Variants in CHCHD3 observed in about 807,000 individuals in gnomAD.
CHCHD3 encodes the protein MICOS complex subunit MIC19.
A neutral mutation model predicts 38.2 loss-of-function variants in CHCHD3; 20 were observed. The observed-to-expected ratio is 0.52, with a 90% CI of 0.37 to 0.76. The LOEUF is 0.76. CHCHD3 is among the 30% of genes least tolerant of loss of function. CHCHD3 has a pLI of 0.00. For synonymous variants in CHCHD3, 82 were observed against 100.0 expected, an observed-to-expected ratio of 0.82 and a Z score of 1.07; for missense variants, 245 against 279.2, an observed-to-expected ratio of 0.88 and a Z score of 0.87.
intron 3 of CHCHD3, among the ~76,000 whole-genome samples, chr7:132,978,328 C>T (rs547544103): frequency 6.6e-6 from 1 of 152,236 alleles, no homozygotes; most frequent in East Asian, 1.9e-4. Context: ...TTTATGATCT[C>T]TAAGGACTTC....
intron 7 of CHCHD3, among the ~76,000 whole-genome samples, chr7:132,789,703 G>A (rs1806410228): frequency 6.6e-6 from 1 of 152,156 alleles, no homozygotes; most frequent in South Asian, 2.1e-4. Flanking sequence ...TCATCATGAA[G>A]AGAAGAAAAG....
intron 4 of CHCHD3, among the ~76,000 whole-genome samples, chr7:132,915,418 G>A (rs1034238564): frequency 4.6e-5 from 7 of 152,094 alleles, no homozygotes; most frequent in South Asian, 2.1e-4. Context: ...ACTCCTGCAC[G>A]GTTCCCTCTG....
At chr7:132,895,986 C>T (rs1159829458) in intron 4 of CHCHD3, among the ~76,000 whole-genome samples, 1 of 152,164 alleles carries the variant, frequency 6.6e-6, no homozygotes, top group Admixed American at 6.5e-5. Flanking sequence ...CAAAACGGGT[C>T]ATATGAATCA....
At chr7:133,005,698 A>G (rs1812681749) in intron 3 of CHCHD3, among the ~76,000 whole-genome samples, 1 of 152,236 alleles carries the variant, frequency 6.6e-6, no homozygotes, top group Non-Finnish European at 1.5e-5. Context: ...GTCAAATTCA[A>G]TAATCAACAA....
intron 5 of CHCHD3, among the ~76,000 whole-genome samples, chr7:132,869,539 C>A (rs1196723878): frequency 1.3e-5 from 2 of 152,100 alleles, no homozygotes; most frequent in Non-Finnish European, 2.9e-5. Context: ...ACACAATTTG[C>A]CAAATTCGAA....
chr7:132,913,942 CTTTTTCTTTTT>C (rs1372834274), intron 4 of CHCHD3, among the ~76,000 whole-genome samples: 2 of 128,850 alleles, frequency 1.6e-5, no homozygotes, highest in Non-Finnish European at 3.2e-5. Context: ...TAAACGTTTT[CTTTTTCTTTTT>C]TTTTTTTTTT....
chr7:132,818,619 CTG>C (rs1333216950), intron 6 of CHCHD3, among the ~76,000 whole-genome samples: 2 of 152,066 alleles, frequency 1.3e-5, no homozygotes, highest in African/African-American at 2.4e-5. Context: ...CTTGAAGATG[CTG>C]TGTTTTCAAG....
At chr7:133,037,475 T>C (rs1049492997) in intron 2 of CHCHD3, among the ~76,000 whole-genome samples, 1 of 152,190 alleles carries the variant, frequency 6.6e-6, no homozygotes, top group South Asian at 2.1e-4. Flanking sequence ...TTGTTTTCTA[T>C]ATGTACAGTA....
intron 3 of CHCHD3, among the ~76,000 whole-genome samples, chr7:132,988,029 C>T (rs574697885): frequency 6.6e-6 from 1 of 152,148 alleles, no homozygotes; most frequent in East Asian, 1.9e-4. Flanking sequence ...ATATAACATA[C>T]AAAATATGTG....
chr7:132,895,058 C>A (rs1470685585), intron 4 of CHCHD3, among the ~76,000 whole-genome samples: 1 of 152,168 alleles, frequency 6.6e-6, no homozygotes, highest in Non-Finnish European at 1.5e-5. Flanking sequence ...CATTAACCAG[C>A]ATGATAAATG....
At chr7:132,990,426 C>A (rs1208353245) in intron 3 of CHCHD3, among the ~76,000 whole-genome samples, 1 of 152,096 alleles carries the variant, frequency 6.6e-6, no homozygotes, top group Non-Finnish European at 1.5e-5. Flanking sequence ...CTTTCATAAG[C>A]CAACTATCAA....
intron 4 of CHCHD3, among the ~76,000 whole-genome samples, chr7:132,909,716 T>C (rs1301424855): frequency 6.6e-6 from 1 of 152,198 alleles, no homozygotes. Context: ...GTCAAGATGA[T>C]GTTGTATTTA....
At chr7:132,920,710 CT>C (rs887990780) in intron 4 of CHCHD3, among the ~76,000 whole-genome samples, 3 of 152,140 alleles carry the variant, frequency 2.0e-5, no homozygotes, top group Admixed American at 6.5e-5. Flanking sequence ...GTGCTTGGTA[CT>C]TCACTTAGAA....
At chr7:133,004,086 G>A (rs1812640280) in intron 3 of CHCHD3, among the ~76,000 whole-genome samples, 1 of 152,050 alleles carries the variant, frequency 6.6e-6, no homozygotes, top group Admixed American at 6.5e-5. Context: ...AAGTAGCTGG[G>A]ATTACTGGTG....
intron 5 of CHCHD3, among the ~76,000 whole-genome samples, chr7:132,876,051 C>T (rs1808889036): frequency 1.3e-5 from 2 of 152,156 alleles, no homozygotes; most frequent in Admixed American, 1.3e-4. Context: ...TTGAAGAGCA[C>T]TTTCTAACAG....
intron 4 of CHCHD3, among the ~76,000 whole-genome samples, chr7:132,922,131 T>C (rs1055276275): frequency 6.6e-6 from 1 of 152,030 alleles, no homozygotes; most frequent in African/African-American, 2.4e-5. Flanking sequence ...CCCAGCTTGG[T>C]AGGCAGGAGG....
intron 1 of CHCHD3, among the ~76,000 whole-genome samples, chr7:133,080,236 T>C (rs1815130910): frequency 6.6e-6 from 1 of 152,214 alleles, no homozygotes; most frequent in Admixed American, 6.5e-5. Context: ...GCTGTCAAGT[T>C]ATATGACCAA....
In CHCHD3 at chr7:133,080,014, G is replaced by A. The variant is rs575260732; in HGVS notation, c.81+1843C>T. ...ATTAGAGATCTGAGGGATGTACTCAGTTGCATTATTTTGCAGATGGGAAAA... is the reference window on the plus strand; with the variant it reads ...ATTAGAGATCTGAGGGATGTACTCAATTGCATTATTTTGCAGATGGGAAAA... On this transcript the variant is annotated intron_variant, in intron 1 of 7. Coordinates refer to ENST00000262570, the MANE Select transcript of CHCHD3 (RefSeq NM_017812.4). Among the ~76,000 whole-genome samples, 29 of 152,302 alleles carry A rather than the reference G, an allele frequency of 1.9e-4. 4 individuals carry two copies. In the South Asian group the frequency reaches 6.0e-3, roughly 32 times the overall value.
At chr7:132,815,599 C>G (rs900166002) in intron 6 of CHCHD3, 1 of 456,206 alleles carries the variant, frequency 2.2e-6, no homozygotes, top group Non-Finnish European at 4.4e-6. Context: ...AATAAAGAGT[C>G]CTGTTTTGTG....
Sources: gnomAD v4.1 joint callset for allele counts (sites outside exome capture counted in the v4.1 genomes callset) on GRCh38, gnomAD v4.1.1 for gene constraint, MANE v1.5 for transcripts, NCBI Gene and HGNC (gene_info 2026-07-23, HGNC 2026-07-21) for gene names.